Variants in ZNF831 observed in about 807,000 individuals in gnomAD.
ZNF831 encodes the protein chromosome 20 open reading frame 174.
Under a neutral mutation model 95.8 loss-of-function variants are expected in ZNF831, and 59 were observed. The observed-to-expected ratio is 0.62, with a 90% CI of 0.50 to 0.77. ZNF831 has a LOEUF of 0.77. Ranked by LOEUF, ZNF831 falls within the 30% of genes least tolerant of loss-of-function variation. ZNF831 has a pLI of 0.00. For synonymous variants in ZNF831, 961 were observed against 925.5 expected (o/e 1.04, Z -0.70); for missense variants, 2,205 against 2,164.0 (o/e 1.02, Z -0.38).
At chr20:59,233,019 C>T (rs1220136320) in intron 4 of ZNF831, among the ~76,000 whole-genome samples, 1 of 148,712 alleles carries the variant, frequency 6.7e-6, no homozygotes, top group Non-Finnish European at 1.5e-5. Flanking sequence ...CACACACACA[C>T]ACACACACAC....
rs61743778 is a variant in ZNF831, at chr20:59,194,709, A to T, written c.3690A>T (p.Gly1230=). The T allele has an allele frequency of 7.2e-4, 1,148 of 1,603,614 alleles. 2 individuals carry two copies. Among genetic ancestry groups the T allele is most frequent in the Non-Finnish European group, 9.1e-4 (1,065 of 1,175,112 alleles). ...ATGGCCCTCCTGGGAGCAATGGAGG[A>T]TGGACCTGGACAAGCCCTGGAGAAG... ...GPNGPPGSNG[G]WTWTSPGEGG... is the part of the protein sequence containing the mutation. Residue 1230 remains glycine, a synonymous_variant, in exon 2 of 6, where the codon GGA becomes GGT. Coordinates refer to ENST00000371030, the MANE Select transcript of ZNF831 (RefSeq NM_178457.3).
chr20:59,204,590 T>C (rs909081296), intron 3 of ZNF831, among the ~76,000 whole-genome samples: 2 of 152,200 alleles, frequency 1.3e-5, no homozygotes, highest in African/African-American at 2.4e-5. Flanking sequence ...TCAGATCTCA[T>C]AGTTTCGCCC....
At chr20:59,209,776 G>C (rs189995724) in intron 4 of ZNF831, among the ~76,000 whole-genome samples, 3 of 71,748 alleles carry the variant, frequency 4.2e-5, no homozygotes, top group Non-Finnish European at 7.3e-5. Context: ...GCTATTTCCT[G>C]CTATTTCCTT....
chr20:59,222,407 C>G (rs1053329198), intron 4 of ZNF831, among the ~76,000 whole-genome samples: 9 of 152,184 alleles, frequency 5.9e-5, no homozygotes, highest in Non-Finnish European at 1.2e-4. Context: ...TGGAAGAACA[C>G]AAAGCCCGGG....
intron 4 of ZNF831, among the ~76,000 whole-genome samples, chr20:59,209,588 C>T (rs1324746300): frequency 1.3e-5 from 2 of 152,242 alleles, no homozygotes; most frequent in Non-Finnish European, 2.9e-5. Context: ...AGTGTCTCCA[C>T]TTGGGTGTCA....
intron 2 of ZNF831, among the ~76,000 whole-genome samples, chr20:59,155,676 G>C (rs927425546): frequency 2.0e-5 from 3 of 152,188 alleles, no homozygotes; most frequent in East Asian, 1.9e-4. Context: ...CCTGAGTGTA[G>C]GAAGGAGAGA....
chr20:59,165,014 C>A (rs1166725723), intron 1 of ZNF831, among the ~76,000 whole-genome samples: 2 of 152,156 alleles, frequency 1.3e-5, no homozygotes, highest in African/African-American at 4.8e-5. Flanking sequence ...TAACCACCCT[C>A]GCTTTATTGC....
In ZNF831 at chr20:59,194,186, C is replaced by T. The variant is rs2146595389; in HGVS notation, c.3167C>T (p.Pro1056Leu). 2 of 1,603,728 alleles carry T rather than the reference C, an allele frequency of 1.2e-6. No homozygotes were observed. The highest frequency in any genetic ancestry group is 3.4e-5 in the Admixed American group (2 of 59,212). The change falls in exon 2 of 6, where the codon CCC (proline) becomes CTC (leucine). Residue 1056 changes from proline (P) to leucine (L), a missense_variant. Transcript: ENST00000371030. ...CCCAGGGAGGCTACCTCCTCCCCGCCCACTCCAACGTGTGAGGCACACTTA... is the reference window on the plus strand; with the variant it reads ...CCCAGGGAGGCTACCTCCTCCCCGCTCACTCCAACGTGTGAGGCACACTTA... ...GAPREATSSPPTPTCEAHLVQ... is the reference protein window; with the variant it reads ...GAPREATSSPLTPTCEAHLVQ...
intron 4 of ZNF831, among the ~76,000 whole-genome samples, chr20:59,236,572 T>C (rs918373026): frequency 2.6e-5 from 4 of 151,330 alleles, no homozygotes; most frequent in African/African-American, 9.7e-5. Flanking sequence ...TTTTTTTTTT[T>C]TTTTTCAGAG....
At chr20:59,224,649 T>A (rs1297769645) in intron 4 of ZNF831, among the ~76,000 whole-genome samples, 1 of 152,202 alleles carries the variant, frequency 6.6e-6, no homozygotes, top group Non-Finnish European at 1.5e-5. Context: ...CCTCTGACTT[T>A]CGATTGTTTC....
At chr20:59,167,155 C>A (rs1037444447) in intron 1 of ZNF831, among the ~76,000 whole-genome samples, 5 of 152,140 alleles carry the variant, frequency 3.3e-5, no homozygotes, top group Non-Finnish European at 5.9e-5. Flanking sequence ...TTTATTGTGG[C>A]TTTAATTTAT....
intron 2 of ZNF831, among the ~76,000 whole-genome samples, chr20:59,155,278 A>G (rs1980475766): frequency 1.3e-5 from 2 of 152,198 alleles, no homozygotes. Context: ...AAGGGAAGGA[A>G]GAGATTGGAC....
upstream of ZNF831, among the ~76,000 whole-genome samples, chr20:59,162,356 T>A (rs1980924650): frequency 6.6e-6 from 1 of 152,174 alleles, no homozygotes; most frequent in Non-Finnish European, 1.5e-5. Flanking sequence ...AGTATTTCCT[T>A]GGTTTTCTTG....
At chr20:59,126,324 C>T (rs914879251) in intron 1 of ZNF831, among the ~76,000 whole-genome samples, 2 of 152,150 alleles carry the variant, frequency 1.3e-5, no homozygotes, top group African/African-American at 4.8e-5. Context: ...ATTGTTTCAG[C>T]CATTCAGAAG....
In ZNF831 at chr20:59,193,713, G is replaced by T. The variant is rs758408094; in HGVS notation, c.2694G>T (p.Gly898=). 1.2e-6 allele frequency: 2 copies of T among 1,612,508 alleles called. No homozygotes were observed. Among genetic ancestry groups the T allele is most frequent in the Non-Finnish European group, 1.7e-6 (2 of 1,179,398 alleles). The change falls in exon 2 of 6, where the codon GGG becomes GGT. Residue 898 remains glycine, a synonymous_variant. Transcript: ENST00000371030. ...AAASVALKRV[G]PRDKATPLHP... ...CTTCTGTTGCCCTGAAGAGGGTGGG[G>T]CCAAGGGACAAGGCTACCCCACTGC...
chr20:59,202,324 CT>C (rs546706863), intron 3 of ZNF831, among the ~76,000 whole-genome samples: 167 of 117,918 alleles, frequency 1.4e-3, no homozygotes, highest in Middle Eastern at 4.5e-3. Context: ...TATTTTCAAC[CT>C]TTTTTTTTTT....
intron 1 of ZNF831, among the ~76,000 whole-genome samples, chr20:59,144,793 A>G (rs1979790954): frequency 6.6e-6 from 1 of 152,152 alleles, no homozygotes; most frequent in Admixed American, 6.5e-5. Context: ...TTTTCAGCAA[A>G]TGTGTCTTCT....
At chr20:59,184,907 C>T (rs146337202) in intron 1 of ZNF831, among the ~76,000 whole-genome samples, 108 of 152,234 alleles carry the variant, frequency 7.1e-4, no homozygotes, top group Non-Finnish European at 1.1e-3. Flanking sequence ...TGCACATTTG[C>T]GCCAAAAGAT....
At position 59,129,253 on chromosome 20, in the gene ZNF831, A is replaced by ATG. The variant is rs573564778; in HGVS notation, c.-1425+5756_-1425+5757dup. Among the ~76,000 whole-genome samples, 275 of 151,464 alleles carry ATG rather than the reference A, an allele frequency of 1.8e-3. 3 individuals carry two copies. The highest frequency in any genetic ancestry group is 6.3e-3 in the African/African-American group (260 of 41,232). On this transcript the variant is annotated intron_variant, in intron 1 of 7. Transcript: ENST00000637017. ...TATGTGTGTGCATGTGCATGTGTGT[A>ATG]TGTGTGTGTTGTGTGTGTGTATCTA... is the stretch of plus-strand genomic sequence containing the variant.
Sources: gnomAD v4.1 joint callset for allele counts (sites outside exome capture counted in the v4.1 genomes callset) on GRCh38, gnomAD v4.1.1 for gene constraint, MANE v1.5 for transcripts, NCBI Gene and HGNC (gene_info 2026-07-23, HGNC 2026-07-21) for gene names.